The following NCKAP1 variants were observed in gnomAD, a reference collection of about 807,000 sequenced individuals.
NCKAP1 encodes nck-associated protein 1.
In NCKAP1, 21 loss-of-function variants were observed where a neutral mutation model predicts 151.2. That is an observed-to-expected ratio of 0.14 (90% CI 0.10 to 0.20). The LOEUF is 0.20. Among genes scored for constraint, NCKAP1 ranks in the 10% least tolerant of loss-of-function variants. The pLI is 1.00. For missense variants in NCKAP1, 933 were observed against 1,352.1 expected, an observed-to-expected ratio of 0.69 and a Z score of 4.86; for synonymous variants, 484 against 451.8, an observed-to-expected ratio of 1.07 and a Z score of -0.90.
chr2:182,928,669 C>T (rs1696697566), intron 28 of NCKAP1, 114 bp downstream of exon 28: 4 of 641,066 alleles, frequency 6.2e-6, no homozygotes, highest in South Asian at 5.1e-5. Context: ...AAAAGGGAAA[C>T]AGACTACCCC....
chr2:182,936,046 C>T lies in NCKAP1; in HGVS notation c.2696-671G>A, dbSNP rs369628759. On this transcript the variant is annotated intron_variant, in intron 24 of 30. Transcript: ENST00000361354. The stretch of plus-strand genomic sequence containing the variant: ...CTGAACCGGGAAGATTGCTTGAGCC[C>T]AGGAGTTCACAAGCACCCTGGGCAA... Among the ~76,000 whole-genome samples the T allele has an allele frequency of 6.6e-5, 10 of 152,054 alleles. No individual in the cohort carries two copies. In the East Asian group the frequency reaches 9.7e-4, roughly 15 times the overall value.
At chr2:183,037,849 G>A (rs1699133840) in intron 1 of NCKAP1, 143 bp downstream of exon 1, 1 of 591,400 alleles carries the variant, frequency 1.7e-6, no homozygotes, top group Admixed American at 4.3e-5. Flanking sequence ...GCGCATCCAG[G>A]CGACCCCGGG....
chr2:182,974,104 C>T (rs1697754289), intron 15 of NCKAP1, among the ~76,000 whole-genome samples: 2 of 151,982 alleles, frequency 1.3e-5, no homozygotes, highest in Middle Eastern at 3.4e-3. Flanking sequence ...GGAACTTTCA[C>T]CTTTGAGCTG....
At chr2:182,945,337 G>A (rs1353195605) in intron 23 of NCKAP1, among the ~76,000 whole-genome samples, 2 of 152,052 alleles carry the variant, frequency 1.3e-5, no homozygotes, top group African/African-American at 4.8e-5. Context: ...GTTGGAGGCT[G>A]CAGTGAGCTA....
At chr2:183,017,767 T>C (rs1201400425) in intron 2 of NCKAP1, among the ~76,000 whole-genome samples, 1 of 152,074 alleles carries the variant, frequency 6.6e-6, no homozygotes, top group Non-Finnish European at 1.5e-5. Context: ...GAGAAGTCAT[T>C]TAGGAAAACC....
intron 2 of NCKAP1, among the ~76,000 whole-genome samples, chr2:183,012,663 A>C (rs1173421557): frequency 1.4e-5 from 2 of 147,282 alleles, no homozygotes; most frequent in East Asian, 3.9e-4. Context: ...TCTGTCCCAG[A>C]GTGTAGTGGC....
At chr2:182,975,831 C>A (rs544468894) in intron 15 of NCKAP1, among the ~76,000 whole-genome samples, 1 of 152,082 alleles carries the variant, frequency 6.6e-6, no homozygotes, top group Non-Finnish European at 1.5e-5. Flanking sequence ...CCTGAACATA[C>A]GAGCCTGAGG....
At position 182,957,612 on chromosome 2, in the gene NCKAP1, A is replaced by C; in HGVS notation, c.1882-16T>G. The C allele has an allele frequency of 6.2e-7, 1 of 1,608,808 alleles. No individual in the cohort carries two copies. Among genetic ancestry groups the C allele is most frequent in the Non-Finnish European group, 8.5e-7 (1 of 1,178,238 alleles). On this transcript the variant is annotated splice_polypyrimidine_tract_variant and intron_variant, in intron 18 of 30. Transcript: ENST00000361354. ...TGGGTAGCAACTAAATTTAGAAAAG[A>C]ATGAAATCTTACATTACACCAATTA...
At chr2:182,984,566 T>TGTGTGTGTGTGTGTGTG (rs1324069144) in intron 10 of NCKAP1, among the ~76,000 whole-genome samples, 1 of 151,602 alleles carries the variant, frequency 6.6e-6, no homozygotes. Flanking sequence ...CTACATGACC[T>TGTGTGTGTGTGTGTGTG]TAGGTTCCAA....
intron 10 of NCKAP1, among the ~76,000 whole-genome samples, chr2:182,985,092 T>G (rs574655504): frequency 1.3e-5 from 2 of 152,302 alleles, no homozygotes; most frequent in Admixed American, 1.3e-4. Context: ...TTTGAAAAAT[T>G]AAGCACATGT....
At chr2:182,960,313 G>A (rs190226863) in intron 18 of NCKAP1, among the ~76,000 whole-genome samples, 4 of 152,084 alleles carry the variant, frequency 2.6e-5, no homozygotes, top group Non-Finnish European at 4.4e-5. Flanking sequence ...GAGGCATCAC[G>A]CTACCTGACT....
rs1389084358 is a variant in NCKAP1 at position 182,924,422 on chromosome 2, A to G, written c.*1280T>C. On this transcript the variant is annotated 3_prime_UTR_variant, in exon 31 of 31. Coordinates refer to ENST00000361354, the MANE Select transcript of NCKAP1 (RefSeq NM_013436.5). ...CTGAGAAACAGCCTCAACAATGCCA[A>G]TCAAAGAGCAAAACATTGGGTTAGT... 2 of 152,230 alleles carry G rather than the reference A, an allele frequency of 1.3e-5. No individual in the cohort carries two copies. The highest frequency in any genetic ancestry group is 2.9e-5 in the Non-Finnish European group (2 of 68,036). 9.4% of individuals were successfully genotyped at this position (152,230 alleles called of 1,614,324 possible).
chr2:183,018,520 T>G (rs1427589994), intron 2 of NCKAP1, among the ~76,000 whole-genome samples: 1 of 152,292 alleles, frequency 6.6e-6, no homozygotes, highest in South Asian at 2.1e-4. Context: ...AGGGCCTCCC[T>G]ACACCTATCA....
At chr2:183,001,260 TTAGCTA>T (rs1698368546) in intron 6 of NCKAP1, among the ~76,000 whole-genome samples, 2 of 152,344 alleles carry the variant, frequency 1.3e-5, no homozygotes, top group African/African-American at 2.4e-5. Context: ...CCCTTAATCC[TTAGCTA>T]TAAATAATGA....
At chr2:182,986,113 T>C in intron 10 of NCKAP1, 58 bp downstream of exon 10, 1 of 1,501,978 alleles carries the variant, frequency 6.7e-7, no homozygotes, top group South Asian at 1.1e-5. Flanking sequence ...TTCAACAAAA[T>C]GATGCTTTAA....
At chr2:182,929,460 C>T (rs943318734) in intron 27 of NCKAP1, among the ~76,000 whole-genome samples, 1 of 151,776 alleles carries the variant, frequency 6.6e-6, no homozygotes, top group Non-Finnish European at 1.5e-5. Flanking sequence ...TAAAAGAAGA[C>T]AGAAGAAGAC....
intron 6 of NCKAP1, among the ~76,000 whole-genome samples, chr2:182,996,563 T>C (rs778679638): frequency 3.9e-5 from 6 of 152,196 alleles, no homozygotes; most frequent in Admixed American, 6.5e-5. Context: ...GTTCACGCCA[T>C]TCTCCTGCCT....
intron 15 of NCKAP1, among the ~76,000 whole-genome samples, chr2:182,969,668 T>C (rs982908579): frequency 6.6e-6 from 1 of 152,064 alleles, no homozygotes; most frequent in Admixed American, 6.5e-5. Flanking sequence ...GGAAAGTTTA[T>C]AGCAATAAAC....
chr2:182,973,677 T>C (rs905300241), intron 15 of NCKAP1, among the ~76,000 whole-genome samples: 17 of 152,194 alleles, frequency 1.1e-4, no homozygotes, highest in Non-Finnish European at 1.6e-4. Flanking sequence ...TCTCTGGCCA[T>C]GTGCTTTTAC....
Sources: gnomAD v4.1 joint callset for allele counts (sites outside exome capture counted in the v4.1 genomes callset) on GRCh38, gnomAD v4.1.1 for gene constraint, MANE v1.5 for transcripts, NCBI Gene and HGNC (gene_info 2026-07-23, HGNC 2026-07-21) for gene names.